BBS9: variants seen among roughly 807,000 people sequenced by gnomAD.
BBS9 encodes protein PTHB1.
BBS9 carries 89 observed loss-of-function variants against 117.7 expected under a neutral mutation model. That is an observed-to-expected ratio of 0.76 (90% confidence interval 0.64 to 0.90). BBS9 has a LOEUF of 0.90. Ranked by LOEUF, BBS9 falls within the 40% of genes least tolerant of loss-of-function variation. BBS9 has a pLI of 0.00. For synonymous variants in BBS9, 379 were observed against 370.9 expected (o/e 1.02, Z -0.25); for missense variants, 982 against 1,042.2 (o/e 0.94, Z 0.80).
At chr7:33,483,779 C>T (rs1419902) in intron 19 of BBS9, among the ~76,000 whole-genome samples, 36,262 of 151,912 alleles carry the variant, frequency 0.24, 4,873 homozygotes, top group African/African-American at 0.37. Flanking sequence ...TACATCTACA[C>T]GCCATGCCCA....
chr7:33,356,375 A>G (rs1032353538), intron 15 of BBS9, among the ~76,000 whole-genome samples: 6 of 151,834 alleles, frequency 4.0e-5, no homozygotes, highest in African/African-American at 1.4e-4. Context: ...GAGTCAAAAC[A>G]TCTCATCATT....
chr7:33,171,422 C>G (rs1259714522), intron 4 of BBS9, among the ~76,000 whole-genome samples: 1 of 152,144 alleles, frequency 6.6e-6, no homozygotes, highest in African/African-American at 2.4e-5. Flanking sequence ...TGAAACATAT[C>G]TTGCTTTTGT....
chr7:33,239,623 T>C (rs1004283639), intron 5 of BBS9, among the ~76,000 whole-genome samples: 5 of 152,328 alleles, frequency 3.3e-5, no homozygotes, highest in South Asian at 2.1e-4. Context: ...TCAAATATTT[T>C]AATCTTTTGT....
intron 4 of BBS9, among the ~76,000 whole-genome samples, chr7:33,164,541 C>T (rs12537836): frequency 0.83 from 126,174 of 152,148 alleles, 52,323 homozygotes; most frequent in Admixed American, 0.86. Context: ...ATATTTAGGA[C>T]AGTTAGCTCT....
chr7:33,511,173 G>A (rs777853219), intron 20 of BBS9, among the ~76,000 whole-genome samples: 5 of 152,058 alleles, frequency 3.3e-5, no homozygotes, highest in Admixed American at 1.3e-4. Flanking sequence ...CATTCTAGGT[G>A]GTCACTGTCA....
chr7:33,605,356 G>C lies in BBS9; in HGVS notation c.*130G>C, dbSNP rs1308226465. 2.1e-6 allele frequency: 2 copies of C among 973,434 alleles called. No individual in the cohort carries two copies. The highest frequency in any genetic ancestry group is 3.3e-6 in the Non-Finnish European group (2 of 602,150). The allele number at this position is 973,434 out of a possible 1,614,324, so 60.3% of individuals were successfully genotyped here. A position where few individuals can be genotyped will look rare whatever the true frequency, so the allele number is the denominator to read the frequency against. ...AAGCTCACCTTCCTGGAGATGACATGCATAGAAAGAGGGGTTGGGACTTTT... is the reference window on the plus strand; with the variant it reads ...AAGCTCACCTTCCTGGAGATGACATCCATAGAAAGAGGGGTTGGGACTTTT... On this transcript the variant is annotated 3_prime_UTR_variant, in exon 23 of 23. Transcript: ENST00000242067.
rs550313559 is a variant in BBS9 at position 33,562,737 on chromosome 7, A to G, written c.2521+28561A>G. Among the ~76,000 whole-genome samples, 431 of 152,312 alleles carry G rather than the reference A, an allele frequency of 2.8e-3. 2 individuals are homozygous for G. Among genetic ancestry groups the G allele is most frequent in the African/African-American group, 9.8e-3 (407 of 41,570 alleles). On this transcript the variant is annotated intron_variant, in intron 21 of 22. Coordinates refer to ENST00000242067, the MANE Select transcript of BBS9 (RefSeq NM_198428.3). ...TCAGGAGATCGAGACCATCCTGGCC[A>G]ACATGGTGAAACCCCGTCTCTACTA...
At chr7:33,172,582 A>G (rs1796755998) in intron 4 of BBS9, among the ~76,000 whole-genome samples, 1 of 152,136 alleles carries the variant, frequency 6.6e-6, no homozygotes. Context: ...TTATTTACCA[A>G]ATATTATCAC....
chr7:33,465,126 T>C (rs1839979343), intron 19 of BBS9, among the ~76,000 whole-genome samples: 1 of 151,988 alleles, frequency 6.6e-6, no homozygotes, highest in Non-Finnish European at 1.5e-5. Context: ...CCAGAGTTCC[T>C]GTACGTGTCT....
At chr7:33,528,702 G>A (rs1268625259) in intron 20 of BBS9, among the ~76,000 whole-genome samples, 3 of 152,136 alleles carry the variant, frequency 2.0e-5, no homozygotes, top group Non-Finnish European at 4.4e-5. Flanking sequence ...GAGACCTCAC[G>A]TGTACCCTAG....
At chr7:33,562,896 G>C (rs968178224) in intron 21 of BBS9, among the ~76,000 whole-genome samples, 1 of 151,946 alleles carries the variant, frequency 6.6e-6, no homozygotes, top group Admixed American at 6.6e-5. Flanking sequence ...TGCACTCCAG[G>C]CTGGTGACAA....
chr7:33,182,050 G>A (rs1005566448), intron 5 of BBS9, among the ~76,000 whole-genome samples: 2 of 152,148 alleles, frequency 1.3e-5, no homozygotes, highest in African/African-American at 4.8e-5. Flanking sequence ...TCGCACCACT[G>A]CACTCCAGCC....
chr7:33,622,075 T>A (rs748740131), intron 21 of BBS9, among the ~76,000 whole-genome samples: 14 of 152,270 alleles, frequency 9.2e-5, no homozygotes, highest in Non-Finnish European at 1.8e-4. Context: ...CTGAGTGTGG[T>A]GGCACGCACC....
Position 33,511,298 on chromosome 7 carries a change from G to A in BBS9, c.2298+5653G>A, listed in dbSNP as rs115873167. On this transcript the variant is annotated intron_variant, in intron 20 of 22. Coordinates refer to ENST00000242067, the MANE Select transcript of BBS9 (RefSeq NM_198428.3). ...ACTAAGATTCTTCATCCAGCTTATG[G>A]CAAGAGAACAAGAAGGAGCAGTTTT... Among the ~76,000 whole-genome samples, 903 of 152,072 alleles carry A rather than the reference G, an allele frequency of 5.9e-3. 10 individuals are homozygous for A. Among genetic ancestry groups the A allele is most frequent in the African/African-American group, 0.021 (872 of 41,464 alleles).
At chr7:33,332,723 A>G (rs1814392385) in intron 9 of BBS9, among the ~76,000 whole-genome samples, 1 of 152,126 alleles carries the variant, frequency 6.6e-6, no homozygotes, top group African/African-American at 2.4e-5. Context: ...ACAAAAAAGA[A>G]AAACAAGATT....
downstream of BBS9, among the ~76,000 whole-genome samples, chr7:33,606,640 C>T (rs1287875857): frequency 2.6e-5 from 4 of 152,094 alleles, no homozygotes; most frequent in African/African-American, 4.8e-5. Context: ...GTGGGGAAAA[C>T]GTTACCAACA....
At chr7:33,295,912 A>G (rs1353185663) in intron 9 of BBS9, among the ~76,000 whole-genome samples, 1 of 152,106 alleles carries the variant, frequency 6.6e-6, no homozygotes, top group Non-Finnish European at 1.5e-5. Flanking sequence ...CAAAAAGAGA[A>G]ATTTTTCACA....
chr7:33,555,410 C>T (rs1022457931), intron 21 of BBS9, among the ~76,000 whole-genome samples: 1 of 152,290 alleles, frequency 6.6e-6, no homozygotes, highest in East Asian at 1.9e-4. Flanking sequence ...GGCTTGGTCT[C>T]TGCCATCATG....
At chr7:33,253,751 A>G (rs1327558290) in intron 5 of BBS9, among the ~76,000 whole-genome samples, 1 of 152,212 alleles carries the variant, frequency 6.6e-6, no homozygotes. Context: ...CAGCCTTACC[A>G]TGATGCTACA....
Sources: allele counts gnomAD v4.1 joint callset (sites outside exome capture counted in the v4.1 genomes callset), GRCh38; gene constraint gnomAD v4.1.1; transcripts MANE v1.5; gene names NCBI Gene and HGNC (gene_info 2026-07-23, HGNC 2026-07-21).